Variants in GALNT13 observed in about 807,000 individuals in gnomAD.
GALNT13 encodes UDP-GalNAc:polypeptide N-acetylgalactosaminyltransferase 13.
Under a neutral mutation model 64.2 loss-of-function variants are expected in GALNT13, and 28 were observed. That is an observed-to-expected ratio of 0.44 (90% CI 0.32 to 0.60). GALNT13 has a LOEUF of 0.60. GALNT13 is among the 20% of genes least tolerant of loss of function. The pLI is 0.05. For missense variants in GALNT13, 577 were observed against 669.8 expected (o/e 0.86, Z 1.53); for synonymous variants, 214 against 224.6 (o/e 0.95, Z 0.42).
At chr2:153,876,245 A>G (rs1211327806) in intron 1 of GALNT13, among the ~76,000 whole-genome samples, 1 of 151,640 alleles carries the variant, frequency 6.6e-6, no homozygotes, top group Non-Finnish European at 1.5e-5. Flanking sequence ...ATACACACAC[A>G]GTGGCTAAGC....
In GALNT13 at chr2:153,986,446, C is replaced by T. The variant is rs117123760; in HGVS notation, c.142+41807C>T. ...TATACTTGGTCATATAATACACATC[C>T]GCAATATTGATACTGGGATTTGATA... On this transcript the variant is annotated intron_variant, in intron 3 of 12. Coordinates refer to ENST00000392825, the MANE Select transcript of GALNT13 (RefSeq NM_052917.4). 1.5e-3 allele frequency among the ~76,000 whole-genome samples: 225 copies of T among 151,956 alleles called. 1 individual carries two copies. The East Asian group carries it at 0.038, about 26-fold the overall frequency.
At chr2:154,375,518 A>G (rs761249616) in intron 9 of GALNT13, among the ~76,000 whole-genome samples, 2 of 152,038 alleles carry the variant, frequency 1.3e-5, no homozygotes, top group African/African-American at 2.4e-5. Flanking sequence ...ACGGAAAGAG[A>G]TGTAACCACT....
chr2:154,302,226 G>A (rs1462073261), intron 9 of GALNT13, among the ~76,000 whole-genome samples: 2 of 151,860 alleles, frequency 1.3e-5, no homozygotes, highest in South Asian at 2.1e-4. Context: ...TGGGTGGTGG[G>A]ATTATTAATG....
At chr2:154,100,869 G>A (rs1702311561) in intron 3 of GALNT13, among the ~76,000 whole-genome samples, 1 of 151,872 alleles carries the variant, frequency 6.6e-6, no homozygotes, top group Non-Finnish European at 1.5e-5. Flanking sequence ...ATATTTTGAG[G>A]TATTTTCTTT....
the GALNT13 span, among the ~76,000 whole-genome samples, chr2:153,562,184 G>A: frequency 6.6e-6 from 1 of 151,340 alleles, no homozygotes; most frequent in African/African-American, 2.4e-5. Context: ...TAAATTGGAG[G>A]TATTATGCTC....
the GALNT13 span, among the ~76,000 whole-genome samples, chr2:153,789,056 A>G: frequency 6.6e-6 from 1 of 152,192 alleles, no homozygotes; most frequent in Admixed American, 6.5e-5. Flanking sequence ...CAGAAAATTA[A>G]CAAAGATATT....
chr2:154,416,320 T>C (rs866237296), intron 11 of GALNT13, among the ~76,000 whole-genome samples: 1 of 151,978 alleles, frequency 6.6e-6, no homozygotes, highest in East Asian at 1.9e-4. Context: ...CATTGAGCCT[T>C]CTTCTTGCAT....
the GALNT13 span, among the ~76,000 whole-genome samples, chr2:153,542,356 ACAC>A: frequency 8.6e-4 from 54 of 62,468 alleles, no homozygotes; most frequent in African/African-American, 5.8e-3. Context: ...ACACACACAC[ACAC>A]AAAAAAAAAA....
chr2:153,844,726 T>A, the GALNT13 span, among the ~76,000 whole-genome samples: 2 of 152,240 alleles, frequency 1.3e-5, no homozygotes, highest in Non-Finnish European at 2.9e-5. Context: ...AATTCTCACC[T>A]TAAGTCATTT....
the GALNT13 span, among the ~76,000 whole-genome samples, chr2:153,510,272 C>T: frequency 1.3e-5 from 2 of 152,130 alleles, no homozygotes; most frequent in Non-Finnish European, 2.9e-5. Flanking sequence ...TCTGGGGGTA[C>T]GTATTGTTTC....
At chr2:153,504,105 C>A in the GALNT13 span, among the ~76,000 whole-genome samples, 1 of 152,112 alleles carries the variant, frequency 6.6e-6, no homozygotes, top group Non-Finnish European at 1.5e-5. Flanking sequence ...CCTTTCACCT[C>A]CTTGGTTAGG....
At chr2:154,255,533 A>C (rs188650996) in intron 7 of GALNT13, among the ~76,000 whole-genome samples, 1 of 152,272 alleles carries the variant, frequency 6.6e-6, no homozygotes, top group Admixed American at 6.5e-5. Context: ...GGCCTGAAAG[A>C]GTAGTTAGGA....
intron 3 of GALNT13, among the ~76,000 whole-genome samples, chr2:154,102,390 C>A (rs1702394036): frequency 6.6e-6 from 1 of 152,148 alleles, no homozygotes; most frequent in Non-Finnish European, 1.5e-5. Context: ...AACACCCTGG[C>A]TAACCAGAGG....
chr2:154,376,297 T>C (rs1697989321), intron 9 of GALNT13, among the ~76,000 whole-genome samples: 1 of 152,194 alleles, frequency 6.6e-6, no homozygotes, highest in Non-Finnish European at 1.5e-5. Flanking sequence ...CAGCTACTTC[T>C]ATTTAATGAC....
At chr2:153,729,641 G>A in the GALNT13 span, among the ~76,000 whole-genome samples, 1 of 151,906 alleles carries the variant, frequency 6.6e-6, no homozygotes, top group Non-Finnish European at 1.5e-5. Context: ...GTCCTAGGTA[G>A]AGCAATTAAA....
At chr2:154,023,305 G>A (rs1057092496) in intron 3 of GALNT13, among the ~76,000 whole-genome samples, 2 of 152,014 alleles carry the variant, frequency 1.3e-5, no homozygotes, top group Admixed American at 6.6e-5. Context: ...TAAAGTCTCC[G>A]ATTATTATTG....
chr2:153,722,406 G>C, the GALNT13 span, among the ~76,000 whole-genome samples: 30 of 139,554 alleles, frequency 2.1e-4, no homozygotes, highest in Non-Finnish European at 4.2e-4. Flanking sequence ...AACTAGAAAA[G>C]CAAGAGCAAA....
At chr2:153,963,741 G>C (rs1288507283) in intron 3 of GALNT13, among the ~76,000 whole-genome samples, 1,548 of 119,184 alleles carry the variant, frequency 0.013, 21 homozygotes, top group African/African-American at 0.055. Context: ...CTGTGTGTGT[G>C]TGTGTGTGTG....
intron 8 of GALNT13, among the ~76,000 whole-genome samples, chr2:154,260,311 T>G (rs1454495645): frequency 6.6e-6 from 1 of 152,220 alleles, no homozygotes; most frequent in Non-Finnish European, 1.5e-5. Context: ...ATTTCAAAAG[T>G]AAAGTTTGTT....
Sources: allele counts gnomAD v4.1 joint callset (sites outside exome capture counted in the v4.1 genomes callset), GRCh38; gene constraint gnomAD v4.1.1; transcripts MANE v1.5; gene names NCBI Gene and HGNC (gene_info 2026-07-23, HGNC 2026-07-21).